Variants in FANCL observed in about 807,000 individuals in gnomAD.
The protein encoded by FANCL is E3 ubiquitin-protein ligase FANCL.
In FANCL, 69 loss-of-function variants were observed where a neutral mutation model predicts 59.4. That is an observed-to-expected ratio of 1.16 (90% confidence interval 0.96 to 1.42). FANCL has a LOEUF of 1.42. Ranked by LOEUF, FANCL falls within the 40% of genes most tolerant of loss-of-function variation. The pLI is 0.00. For synonymous variants in FANCL, 180 were observed against 147.1 expected, an observed-to-expected ratio of 1.22 and a Z score of -1.62; for missense variants, 519 against 447.2, an observed-to-expected ratio of 1.16 and a Z score of -1.45.
intron 1 of FANCL, 31 bp from the exon 2 acceptor site, chr2:58,232,143 A>G: frequency 6.4e-7 from 1 of 1,566,180 alleles, no homozygotes; most frequent in East Asian, 2.2e-5. Context: ...GATCACTCAA[A>G]TTTTTATCTT....
In FANCL at chr2:58,229,587, T is replaced by C. The variant is rs144606047; in HGVS notation, c.216+227A>G. On this transcript the variant is annotated intron_variant, in intron 3 of 13. Coordinates refer to ENST00000233741, the MANE Select transcript of FANCL (RefSeq NM_018062.4). ...TGGATATGGATAAGGGTGAATGCATTTGAAGAACCTAAAGTCTCAAAGATG... is the reference window on the plus strand; with the variant it reads ...TGGATATGGATAAGGGTGAATGCATCTGAAGAACCTAAAGTCTCAAAGATG... Among the ~76,000 whole-genome samples the C allele has an allele frequency of 3.6e-4, 55 of 152,304 alleles. No individual in the cohort carries two copies. The East Asian group carries it at 9.8e-3, about 27-fold the overall frequency.
At position 58,215,583 on chromosome 2, in the gene FANCL, C is replaced by T. The variant is rs560869007; in HGVS notation, c.374+6359G>A. ...GGCCAAAGTCCTAAAGAAGAGGGAACAGAAGTGAAGTAAGCCAACATTCTG... is the reference window on the plus strand; with the variant it reads ...GGCCAAAGTCCTAAAGAAGAGGGAATAGAAGTGAAGTAAGCCAACATTCTG... On this transcript the variant is annotated intron_variant, in intron 5 of 13. Transcript: ENST00000233741. 7.9e-5 allele frequency among the ~76,000 whole-genome samples: 12 copies of T among 151,722 alleles called. No individual in the cohort carries two copies. In the South Asian group the frequency reaches 2.3e-3, roughly 29 times the overall value.
intron 3 of FANCL, 74 bp from the exon 4 acceptor site, chr2:58,226,858 A>T: frequency 8.0e-7 from 1 of 1,248,492 alleles, no homozygotes; most frequent in East Asian, 2.3e-5. Context: ...AAAAAAATGT[A>T]GGCCCAAGTG....
chr2:58,175,706 TC>T (rs1272096478), intron 7 of FANCL, among the ~76,000 whole-genome samples: 2 of 152,164 alleles, frequency 1.3e-5, no homozygotes, highest in African/African-American at 4.8e-5. Context: ...CTTGAAGCAT[TC>T]CCTTTGAAAA....
At chr2:58,172,751 C>T (rs1045539965) in intron 7 of FANCL, among the ~76,000 whole-genome samples, 3 of 152,218 alleles carry the variant, frequency 2.0e-5, no homozygotes, top group Non-Finnish European at 4.4e-5. Flanking sequence ...CAAAGGAACA[C>T]AGCTCCTCAC....
chr2:58,178,385 G>C (rs567258574), intron 7 of FANCL, among the ~76,000 whole-genome samples: 46 of 152,110 alleles, frequency 3.0e-4, no homozygotes, highest in African/African-American at 1.0e-3. Flanking sequence ...TATCTACCAC[G>C]ATCAAGTTGG....
At chr2:58,194,409 A>G (rs1689234811) in intron 7 of FANCL, 1 of 414,220 alleles carries the variant, frequency 2.4e-6, no homozygotes, top group Non-Finnish European at 4.9e-6. Context: ...CATTAAGGAT[A>G]TATTTTGAAG....
intron 7 of FANCL, 139 bp downstream of exon 7, chr2:58,198,455 T>G (rs979726054): frequency 6.0e-6 from 4 of 665,088 alleles, no homozygotes; most frequent in Non-Finnish European, 1.1e-5. Context: ...AAAGTCCCAT[T>G]TATATAAGAG....
intron 7 of FANCL, among the ~76,000 whole-genome samples, chr2:58,181,588 C>A (rs573837485): frequency 1.3e-5 from 2 of 152,030 alleles, no homozygotes; most frequent in South Asian, 2.1e-4. Context: ...CAGATACCTG[C>A]AAGTTACTTT....
At chr2:58,160,286 A>AGACTT (rs1384851442) in intron 12 of FANCL, 107 bp from the exon 13 acceptor site, 1 of 1,167,732 alleles carries the variant, frequency 8.6e-7, no homozygotes, top group East Asian at 2.4e-5. Flanking sequence ...TTATTCCAGA[A>AGACTT]GACTTAGCTT....
intron 1 of FANCL, among the ~76,000 whole-genome samples, chr2:58,237,862 C>G (rs1024538455): frequency 1.3e-5 from 2 of 152,162 alleles, no homozygotes; most frequent in Non-Finnish European, 2.9e-5. Flanking sequence ...ACTTCAGAGA[C>G]TAAGAGATTA....
In FANCL at chr2:58,232,089, T is replaced by C. The variant is rs769041851; in HGVS notation, c.120A>G (p.Ile40Met). The C allele has an allele frequency of 4.3e-6, 7 of 1,613,196 alleles. No homozygotes were observed. The South Asian group carries it at 4.4e-5, about 10-fold the overall frequency. Residue 40 changes from isoleucine to methionine, a missense_variant, in exon 2 of 14, where the codon ATA becomes ATG. By Grantham distance (10) the Ile-to-Met change is conservative. Coordinates refer to ENST00000233741, the MANE Select transcript of FANCL (RefSeq NM_018062.4). ...SAQGRDFHLR[I>M]VLPEDLQLKN... ...TCAGTTGTAAATCTTCAGGCAACAC[T>C]ATCCTAAGGTGGAAGTCTCTTCCCT... is the stretch of plus-strand genomic sequence containing the variant.
At chr2:58,163,339 T>G in intron 9 of FANCL, 95 bp downstream of exon 9, 1 of 905,904 alleles carries the variant, frequency 1.1e-6, no homozygotes, top group Non-Finnish European at 1.8e-6. Flanking sequence ...AAATAAAAAC[T>G]ACCATTAATA....
intron 5 of FANCL, among the ~76,000 whole-genome samples, chr2:58,220,798 G>A (rs1318142712): frequency 6.6e-6 from 1 of 152,154 alleles, no homozygotes. Context: ...AAACTTAGTG[G>A]TGAAAAATTG....
rs1295054381 is a variant in FANCL, at chr2:58,206,416, T to C, written c.375-2190A>G. Among the ~76,000 whole-genome samples the C allele has an allele frequency of 2.0e-5, 3 of 152,280 alleles. No individual in the cohort carries two copies. The East Asian group carries it at 5.8e-4, about 29-fold the overall frequency. On this transcript the variant is annotated intron_variant, in intron 5 of 13. Transcript: ENST00000233741. ...GGGGATAGAAAATAATATGGGAGAC[T>C]GCTTTTCTTTATAAGCCTTAAATAG...
chr2:58,160,279 T>C (rs1684932899), intron 12 of FANCL, 100 bp from the exon 13 acceptor site: 2 of 1,231,790 alleles, frequency 1.6e-6, no homozygotes, highest in Non-Finnish European at 1.2e-6. Flanking sequence ...TATGTTTTTA[T>C]TCCAGAAGAC....
chr2:58,199,068 A>G (rs1363221407), intron 6 of FANCL, among the ~76,000 whole-genome samples: 1 of 151,306 alleles, frequency 6.6e-6, no homozygotes, highest in Non-Finnish European at 1.5e-5. Context: ...ATATTGGGGG[A>G]AAACATATTA....
At chr2:58,200,620 T>C (rs17049402) in intron 6 of FANCL, among the ~76,000 whole-genome samples, 2,190 of 152,020 alleles carry the variant, frequency 0.014, 68 homozygotes, top group African/African-American at 0.051. Context: ...AAGTAAAGTA[T>C]CTGTGGCCCC....
intron 5 of FANCL, among the ~76,000 whole-genome samples, chr2:58,214,904 G>A (rs984634091): frequency 6.6e-6 from 1 of 152,086 alleles, no homozygotes; most frequent in African/African-American, 2.4e-5. Flanking sequence ...AAAAATGAGT[G>A]ATTCAAAAAT....
Sources: gnomAD v4.1 joint callset for allele counts (sites outside exome capture counted in the v4.1 genomes callset) on GRCh38, gnomAD v4.1.1 for gene constraint, MANE v1.5 for transcripts, NCBI Gene and HGNC (gene_info 2026-07-23, HGNC 2026-07-21) for gene names.